TMEM26: variants seen among roughly 807,000 people sequenced by gnomAD.
TMEM26 encodes transmembrane protein 26.
A neutral mutation model predicts 28.8 loss-of-function variants in TMEM26; 38 were observed. The ratio of observed to expected loss-of-function variants is 1.32; its 90% CI spans 1.02 to 1.73. The LOEUF (loss-of-function observed/expected upper bound fraction) is 1.73. Among genes scored for constraint, TMEM26 ranks in the 40% most tolerant of loss-of-function variants. TMEM26 has a pLI of 0.00. For missense variants in TMEM26, 518 were observed against 447.1 expected, an observed-to-expected ratio of 1.16 and a Z score of -1.43; for synonymous variants, 227 against 182.9, an observed-to-expected ratio of 1.24 and a Z score of -1.95.
At chr10:61,452,824 C>G in intron 1 of TMEM26, 67 bp downstream of exon 1, 1 of 1,530,514 alleles carries the variant, frequency 6.5e-7, no homozygotes, top group South Asian at 1.2e-5. Context: ...GGAAGATGGC[C>G]TGCGAGTGCG....
chr10:61,452,681 G>C (rs189325105), intron 1 of TMEM26: 3 of 556,418 alleles, frequency 5.4e-6, no homozygotes, highest in Non-Finnish European at 9.6e-6. Context: ...CTCACAGATC[G>C]AGCCTTCCCA....
intron 1 of TMEM26, among the ~76,000 whole-genome samples, chr10:61,450,509 C>T (rs1026509217): frequency 2.0e-5 from 3 of 152,006 alleles, no homozygotes; most frequent in Non-Finnish European, 4.4e-5. Flanking sequence ...TTTTCCACCA[C>T]AAAAATGAGC....
At chr10:61,418,107 A>T (rs1053722459) in intron 4 of TMEM26, among the ~76,000 whole-genome samples, 23 of 152,038 alleles carry the variant, frequency 1.5e-4, no homozygotes, top group Middle Eastern at 3.4e-3. Flanking sequence ...AGTTAAATAG[A>T]TGAGGAAAAA....
At chr10:61,447,208 G>A (rs1840199744) in intron 1 of TMEM26, among the ~76,000 whole-genome samples, 1 of 152,200 alleles carries the variant, frequency 6.6e-6, no homozygotes, top group African/African-American at 2.4e-5. Flanking sequence ...AAACATTGGG[G>A]TGGGGAGTGG....
intron 4 of TMEM26, among the ~76,000 whole-genome samples, chr10:61,422,512 T>A (rs575840493): frequency 2.6e-5 from 4 of 152,098 alleles, no homozygotes; most frequent in African/African-American, 9.6e-5. Flanking sequence ...GTCTAAAAGA[T>A]CCCTATATAT....
At position 61,407,089 on chromosome 10, in the gene TMEM26, T is replaced by C. The variant is rs1042289772; in HGVS notation, c.*3233A>G. ...TTGGAGGAGGGCTAAAGTGGACAGA[T>C]GCCTGGCATTTGCAATTCTTTCTCT... On this transcript the variant is annotated 3_prime_UTR_variant, in exon 6 of 6. Transcript: ENST00000399298. 6.6e-6 allele frequency: 1 copy of C among 152,144 alleles called. No individual in the cohort carries two copies. Among genetic ancestry groups the C allele is most frequent in the Non-Finnish European group, 1.5e-5 (1 of 67,984 alleles). 9.4% of individuals were successfully genotyped at this position (152,144 alleles called of 1,614,324 possible).
In TMEM26 at chr10:61,407,800, G is replaced by C. The variant is rs1399309311; in HGVS notation, c.*2522C>G. The C allele has an allele frequency of 6.6e-6, 1 of 152,188 alleles. No homozygotes were observed. The highest frequency in any genetic ancestry group is 1.5e-5 in the Non-Finnish European group (1 of 68,038). The allele number at this position is 152,188 out of a possible 1,614,324, so 9.4% of individuals were successfully genotyped here. A position where few individuals can be genotyped will look rare whatever the true frequency, so the allele number is the denominator to read the frequency against. On this transcript the variant is annotated 3_prime_UTR_variant, in exon 6 of 6. Coordinates refer to ENST00000399298, the MANE Select transcript of TMEM26 (RefSeq NM_178505.8). ...TGTGTTGGGGGGAGGGGTTATGATAGAGAGGATGACTTGCATCACATTATA... is the reference window on the plus strand; with the variant it reads ...TGTGTTGGGGGGAGGGGTTATGATACAGAGGATGACTTGCATCACATTATA...
chr10:61,438,021 G>A (rs1429377366), intron 1 of TMEM26, among the ~76,000 whole-genome samples: 1 of 152,120 alleles, frequency 6.6e-6, no homozygotes, highest in Non-Finnish European at 1.5e-5. Context: ...AAAGTGAAAT[G>A]AAAAGAGAAA....
At chr10:61,435,555 C>T (rs990123151) in intron 2 of TMEM26, among the ~76,000 whole-genome samples, 1 of 152,176 alleles carries the variant, frequency 6.6e-6, no homozygotes, top group African/African-American at 2.4e-5. Context: ...GTGGGTCCCA[C>T]GACTCCTCCC....
In TMEM26 at chr10:61,410,282, G is replaced by GTTCTGC. The variant is rs1383648868; in HGVS notation, c.*39_*40insGCAGAA. The GTTCTGC allele has an allele frequency of 1.5e-5, 23 of 1,553,548 alleles. No homozygotes were observed. The highest frequency in any genetic ancestry group is 2.0e-5 in the Non-Finnish European group (23 of 1,149,288). On this transcript the variant is annotated 3_prime_UTR_variant, in exon 6 of 6. Coordinates refer to ENST00000399298, the MANE Select transcript of TMEM26 (RefSeq NM_178505.8). ...AGGATCCTCCCTGTAAGAAGAACCAGGGAGTCAGGTTCTAGCCGCAGACCA... is the reference window on the plus strand; with the variant it reads ...AGGATCCTCCCTGTAAGAAGAACCAGTTCTGCGGAGTCAGGTTCTAGCCGCAGACCA...
chr10:61,410,538 C>A lies in TMEM26; in HGVS notation c.891G>T (p.Val297=). Residue 297 remains valine, a synonymous_variant, in exon 6 of 6, where the codon GTG becomes GTT. Coordinates refer to ENST00000399298, the MANE Select transcript of TMEM26 (RefSeq NM_178505.8). Reference sequence around the variant, plus strand: ...CCACCAAGCGGTAGAGTTGCAACACCACCACGAGGAAGTTCTTCGCGGCAA... The same window carrying A: ...CCACCAAGCGGTAGAGTTGCAACACAACCACGAGGAAGTTCTTCGCGGCAA... The part of the protein sequence containing the change: ...VFFAAKNFLV[V]VLQLYRLVVL... 1 of 1,614,136 alleles carries A rather than the reference C, an allele frequency of 6.2e-7. No homozygotes were observed.
At chr10:61,437,752 C>T (rs2135322723) in intron 1 of TMEM26, among the ~76,000 whole-genome samples, 1 of 152,230 alleles carries the variant, frequency 6.6e-6, no homozygotes, top group East Asian at 1.9e-4. Context: ...CTACTACACT[C>T]CAGCCTGGGC....
At position 61,410,200 on chromosome 10, in the gene TMEM26, T is replaced by A. The variant is rs1441815319; in HGVS notation, c.*122A>T. 4.3e-5 allele frequency: 49 copies of A among 1,130,966 alleles called. No homozygotes were observed. The highest frequency in any genetic ancestry group is 6.0e-5 in the Non-Finnish European group (49 of 817,610). 70.1% of individuals were successfully genotyped at this position (1,130,966 alleles called of 1,614,324 possible). Reference sequence around the variant, plus strand: ...AAAATTCCTCAGCTTTGGTTTAAGATCACCTTTTTATGTTGTTCTTTTGAA... The same window carrying A: ...AAAATTCCTCAGCTTTGGTTTAAGAACACCTTTTTATGTTGTTCTTTTGAA... On this transcript the variant is annotated 3_prime_UTR_variant, in exon 6 of 6. Transcript: ENST00000399298.
intron 4 of TMEM26, among the ~76,000 whole-genome samples, chr10:61,428,286 G>A (rs1386952012): frequency 1.3e-5 from 2 of 152,096 alleles, no homozygotes; most frequent in Non-Finnish European, 2.9e-5. Context: ...TGTGATCATG[G>A]ATTCTGAGTT....
chr10:61,414,875 G>T, intron 4 of TMEM26: 2 of 490,692 alleles, frequency 4.1e-6, no homozygotes, highest in African/African-American at 2.1e-5. Context: ...TTTAAACAAG[G>T]CTTCTGAAAA....
chr10:61,417,172 A>G (rs1839666517), intron 4 of TMEM26, among the ~76,000 whole-genome samples: 1 of 152,062 alleles, frequency 6.6e-6, no homozygotes, highest in African/African-American at 2.4e-5. Flanking sequence ...CCACTGTCCC[A>G]TGTGTGTAAT....
At chr10:61,444,653 TAAA>T (rs10711559) in intron 1 of TMEM26, among the ~76,000 whole-genome samples, 2 of 133,868 alleles carry the variant, frequency 1.5e-5, no homozygotes, top group Admixed American at 7.4e-5. Flanking sequence ...CCTCATAATT[TAAA>T]AAAAAAAAAA....
intron 4 of TMEM26, among the ~76,000 whole-genome samples, chr10:61,422,950 T>C (rs1238062992): frequency 1.3e-5 from 2 of 151,930 alleles, no homozygotes; most frequent in Non-Finnish European, 1.5e-5. Context: ...CATCAGCCTC[T>C]CCCCTCACTG....
At chr10:61,452,193 G>A (rs10994768) in intron 1 of TMEM26, among the ~76,000 whole-genome samples, 31,007 of 152,122 alleles carry the variant, frequency 0.2, 3,422 homozygotes, top group Middle Eastern at 0.3. Context: ...CACACGTGGC[G>A]TGTAGTTATT....
Sources: allele counts gnomAD v4.1 joint callset (sites outside exome capture counted in the v4.1 genomes callset), GRCh38; gene constraint gnomAD v4.1.1; transcripts MANE v1.5; gene names NCBI Gene and HGNC (gene_info 2026-07-23, HGNC 2026-07-21).